Variants in MIER1 observed in about 807,000 individuals in gnomAD.
The protein encoded by MIER1 is MIER1 transcriptional regulator.
Under a neutral mutation model 75.7 loss-of-function variants are expected in MIER1, and 40 were observed. The observed-to-expected ratio is 0.53, with a 90% CI of 0.41 to 0.69. The LOEUF is 0.69. Among genes scored for constraint, MIER1 ranks in the 30% least tolerant of loss-of-function variants. MIER1 has a pLI of 0.00. For missense variants in MIER1, 574 were observed against 680.2 expected, an observed-to-expected ratio of 0.84 and a Z score of 1.74; for synonymous variants, 213 against 223.4, an observed-to-expected ratio of 0.95 and a Z score of 0.42.
chr1:66,985,661 T>C lies in MIER1; in HGVS notation c.*761T>C. 1.0e-6 allele frequency: 1 copy of C among 985,068 alleles called. No homozygotes were observed. The highest frequency in any genetic ancestry group is 1.1e-4 in the East Asian group (1 of 8,956). 61.0% of individuals were successfully genotyped at this position (985,068 alleles called of 1,614,324 possible). A position where few individuals can be genotyped will look rare whatever the true frequency, so the allele number is the denominator to read the frequency against. On this transcript the variant is annotated 3_prime_UTR_variant, in exon 14 of 14. Transcript: ENST00000401041. ...TGTATAATTTTCTTAACTTGTACAG[T>C]TGGTAAACTTTTATGAGAGGAATTG...
At chr1:66,927,436 TAAC>T (rs929131756) in intron 2 of MIER1, among the ~76,000 whole-genome samples, 44 of 152,124 alleles carry the variant, frequency 2.9e-4, no homozygotes, top group African/African-American at 1.0e-3. Flanking sequence ...CATTAATAAA[TAAC>T]AAAGTGTAAT....
intron 2 of MIER1, chr1:66,930,162 T>G: frequency 8.1e-7 from 1 of 1,234,834 alleles, no homozygotes; most frequent in Non-Finnish European, 1.0e-6. Flanking sequence ...CTCCGGCGCG[T>G]GCTCGCTGGT....
chr1:66,931,100 T>G (rs1192987770), intron 2 of MIER1, among the ~76,000 whole-genome samples: 1 of 148,320 alleles, frequency 6.7e-6, no homozygotes, highest in Non-Finnish European at 1.5e-5. Flanking sequence ...TATTCTTGTC[T>G]TCTTTCTCTT....
chr1:66,958,761 C>A, intron 5 of MIER1, 90 bp from the exon 6 acceptor site: 1 of 1,071,854 alleles, frequency 9.3e-7, no homozygotes. Context: ...TAGTCTTCTG[C>A]ATATATTAGA....
intron 6 of MIER1, 132 bp from the exon 7 acceptor site, chr1:66,959,547 A>C (rs1280895346): frequency 1.5e-5 from 7 of 482,580 alleles, no homozygotes; most frequent in Non-Finnish European, 2.6e-5. Flanking sequence ...TTATTTGGTT[A>C]GAAATATCTT....
At chr1:66,983,777 G>C (rs942722607) in intron 13 of MIER1, among the ~76,000 whole-genome samples, 9 of 152,106 alleles carry the variant, frequency 5.9e-5, no homozygotes, top group Non-Finnish European at 1.0e-4. Flanking sequence ...GCCCAGGCTG[G>C]AATGCAGTGG....
intron 3 of MIER1, among the ~76,000 whole-genome samples, chr1:66,945,204 T>C (rs953639519): frequency 1.4e-5 from 2 of 147,614 alleles, no homozygotes; most frequent in African/African-American, 2.5e-5. Flanking sequence ...TGACACAAAA[T>C]GCATAGTATT....
intron 4 of MIER1, chr1:66,947,613 G>A (rs1412539372): frequency 6.6e-6 from 1 of 152,140 alleles, no homozygotes; most frequent in African/African-American, 2.4e-5. Flanking sequence ...CTTCCTGACT[G>A]GTTTCCCCAT....
At chr1:66,925,721 CCTAT>C (rs940991360) in intron 1 of MIER1, among the ~76,000 whole-genome samples, 1 of 152,204 alleles carries the variant, frequency 6.6e-6, no homozygotes, top group African/African-American at 2.4e-5. Flanking sequence ...TGGCCTGGAG[CCTAT>C]CTGTGGTCCC....
At chr1:66,981,719 C>G in intron 12 of MIER1, 60 bp from the exon 13 acceptor site, 1 of 1,384,842 alleles carries the variant, frequency 7.2e-7, no homozygotes, top group Non-Finnish European at 9.9e-7. Context: ...TGAATTTAAC[C>G]TCAACTAATT....
intron 2 of MIER1, chr1:66,930,266 A>C: frequency 6.5e-7 from 1 of 1,538,008 alleles, no homozygotes; most frequent in Non-Finnish European, 8.7e-7. Flanking sequence ...GTTCCCGCCG[A>C]GGCAGTGGCG....
intron 13 of MIER1, among the ~76,000 whole-genome samples, chr1:66,982,801 T>A (rs12079643): frequency 0.11 from 17,437 of 152,218 alleles, 2,424 homozygotes; most frequent in African/African-American, 0.34. Context: ...GTTCCCTCAC[T>A]ACTTCTAGGA....
rs1553259723 is a variant in MIER1, at chr1:66,985,660, G to GTTGGTAAACTTTTATGAGAGGAA, written c.*764_*786dup. On this transcript the variant is annotated 3_prime_UTR_variant, in exon 14 of 14. Coordinates refer to ENST00000401041, the MANE Select transcript of MIER1 (RefSeq NM_001077700.3). ...GTGTATAATTTTCTTAACTTGTACA[G>GTTGGTAAACTTTTATGAGAGGAA]TTGGTAAACTTTTATGAGAGGAATT... is the stretch of plus-strand genomic sequence containing the variant. 2.0e-6 allele frequency: 2 copies of GTTGGTAAACTTTTATGAGAGGAA among 984,764 alleles called. No individual in the cohort carries two copies. Among genetic ancestry groups the GTTGGTAAACTTTTATGAGAGGAA allele is most frequent in the Non-Finnish European group, 2.4e-6 (2 of 829,454 alleles). 61.0% of individuals were successfully genotyped at this position (984,764 alleles called of 1,614,324 possible).
At chr1:66,941,597 G>A (rs1371561861) in intron 3 of MIER1, among the ~76,000 whole-genome samples, 2 of 152,300 alleles carry the variant, frequency 1.3e-5, no homozygotes, top group Non-Finnish European at 2.9e-5. Flanking sequence ...CTCAGAAAGC[G>A]ATATTAGTAA....
Position 66,985,382 on chromosome 1 carries a change from T to C in MIER1, c.*482T>C. 1.0e-6 allele frequency: 1 copy of C among 984,266 alleles called. No individual in the cohort carries two copies. Among genetic ancestry groups the C allele is most frequent in the Non-Finnish European group, 1.2e-6 (1 of 828,776 alleles). The allele number at this position is 984,266 out of a possible 1,614,324, so 61.0% of individuals were successfully genotyped here. A position where few individuals can be genotyped will look rare whatever the true frequency, so the allele number is the denominator to read the frequency against. On this transcript the variant is annotated 3_prime_UTR_variant, in exon 14 of 14. Coordinates refer to ENST00000401041, the MANE Select transcript of MIER1 (RefSeq NM_001077700.3). ...AACAGACATTTTTCTCACCAAACAG[T>C]TTGAGTATCTTTATTAAGGAAACCC...
chr1:66,943,504 C>T (rs920899444), intron 3 of MIER1, among the ~76,000 whole-genome samples: 2 of 151,962 alleles, frequency 1.3e-5, no homozygotes, highest in Non-Finnish European at 2.9e-5. Context: ...TATTTAATAT[C>T]AGTTCCTTTC....
At chr1:66,956,364 T>G (rs1660124974) in intron 4 of MIER1, among the ~76,000 whole-genome samples, 1 of 152,194 alleles carries the variant, frequency 6.6e-6, no homozygotes, top group African/African-American at 2.4e-5. Flanking sequence ...CAGTGAGCAG[T>G]GATCATGCCA....
rs1483537620 is a variant in MIER1, at chr1:66,988,524, T to G, written c.*3624T>G. ...TTTTGCCAACTATACGGACGTGGAG[T>G]TTTTCCTTTTCAGAATATGATTATT... On this transcript the variant is annotated 3_prime_UTR_variant, in exon 14 of 14. Transcript: ENST00000401041. 2 of 151,988 alleles carry G rather than the reference T, an allele frequency of 1.3e-5. No homozygotes were observed. The highest frequency in any genetic ancestry group is 4.8e-5 in the African/African-American group (2 of 41,372). 9.4% of individuals were successfully genotyped at this position (151,988 alleles called of 1,614,324 possible). A position where few individuals can be genotyped will look rare whatever the true frequency, so the allele number is the denominator to read the frequency against.
chr1:66,972,216 C>CATATATATATATACACTACATAT (rs1663758709), intron 10 of MIER1, among the ~76,000 whole-genome samples: 1 of 89,304 alleles, frequency 1.1e-5, no homozygotes, highest in African/African-American at 3.7e-5. Flanking sequence ...AAGAGTACTA[C>CATATATATATATACACTACATAT]ATATATATAT....
Sources: allele counts gnomAD v4.1 joint callset (sites outside exome capture counted in the v4.1 genomes callset), GRCh38; gene constraint gnomAD v4.1.1; transcripts MANE v1.5; gene names NCBI Gene and HGNC (gene_info 2026-07-23, HGNC 2026-07-21).